Variants in NIBAN2 observed in about 807,000 individuals in gnomAD.
NIBAN2 encodes the protein protein Niban 2.
In NIBAN2, 36 loss-of-function variants were observed where a neutral mutation model predicts 81.8. That is an observed-to-expected ratio of 0.44 (90% CI 0.34 to 0.58). The LOEUF (loss-of-function observed/expected upper bound fraction) is 0.58. NIBAN2 is among the 20% of genes least tolerant of loss of function. The pLI is 0.02. For synonymous variants in NIBAN2, 445 were observed against 441.6 expected (o/e 1.01, Z -0.10); for missense variants, 897 against 1,014.1 (o/e 0.88, Z 1.57).
At chr9:127,542,085 A>G (rs2132207548) in intron 1 of NIBAN2, among the ~76,000 whole-genome samples, 1 of 152,236 alleles carries the variant, frequency 6.6e-6, no homozygotes, top group East Asian at 1.9e-4. Context: ...TCCCACACAC[A>G]GGGGCCACAG....
intron 1 of NIBAN2, among the ~76,000 whole-genome samples, chr9:127,535,978 G>A (rs1298118776): frequency 2.0e-5 from 3 of 152,106 alleles, no homozygotes; most frequent in African/African-American, 7.2e-5. Flanking sequence ...AGGGGTTAAG[G>A]ACCTTAAGGA....
chr9:127,550,555 C>A (rs1837557540), intron 1 of NIBAN2, among the ~76,000 whole-genome samples: 1 of 152,208 alleles, frequency 6.6e-6, no homozygotes, highest in Non-Finnish European at 1.5e-5. Flanking sequence ...AATATTTATC[C>A]CCTGACTATG....
In NIBAN2 at chr9:127,559,838, A is replaced by G. The variant is rs369404714; in HGVS notation, c.55+8982T>C. Among the ~76,000 whole-genome samples, 12 of 152,132 alleles carry G rather than the reference A, an allele frequency of 7.9e-5. No homozygotes were observed. The highest frequency in any genetic ancestry group is 2.6e-4 in the Admixed American group (4 of 15,276). The stretch of plus-strand genomic sequence containing the variant: ...GCAAGAGGAGGGCCTCCCTTGGCCA[A>G]TGTCCTATGTGAACCACATAGAACG... On this transcript the variant is annotated intron_variant, in intron 1 of 13. Coordinates refer to ENST00000373312, the MANE Select transcript of NIBAN2 (RefSeq NM_022833.4). The surrounding 1 kb of genome is among the most constrained non-coding windows in gnomAD (Gnocchi z 4.0).
intron 8 of NIBAN2, among the ~76,000 whole-genome samples, chr9:127,514,126 G>A (rs145014909): frequency 5.3e-5 from 8 of 151,998 alleles, no homozygotes; most frequent in East Asian, 3.9e-4. Context: ...AAAATTAGCC[G>A]GGCGTGGTGG....
chr9:127,516,415 C>A (rs930208519), intron 8 of NIBAN2, among the ~76,000 whole-genome samples: 1 of 151,728 alleles, frequency 6.6e-6, no homozygotes, highest in Non-Finnish European at 1.5e-5. Context: ...CATGGTGGCG[C>A]GCGTGTGCCT....
chr9:127,552,480 G>C (rs779144945), intron 1 of NIBAN2, among the ~76,000 whole-genome samples: 20 of 152,228 alleles, frequency 1.3e-4, no homozygotes, highest in Non-Finnish European at 2.5e-4. Context: ...GGGAGGTTGA[G>C]GTGGGAGGAT....
Position 127,507,225 on chromosome 9 carries a change from G to C in NIBAN2, c.1861C>G (p.Gln621Glu), listed in dbSNP as rs1388655929. The C allele has an allele frequency of 6.2e-7, 1 of 1,611,976 alleles. No individual in the cohort carries two copies. The highest frequency in any genetic ancestry group is 1.3e-5 in the African/African-American group (1 of 74,866). Residue 621 changes from glutamine to glutamate, a missense_variant, in exon 14 of 14, where the codon CAG (glutamine) becomes GAG (glutamate). By Grantham distance (29) the Gln-to-Glu change is conservative. This residue lies in a region of NIBAN2 where 619 missense variants were observed against 691.0 expected (regional missense o/e 0.90). Transcript: ENST00000373312. The surrounding 1 kb of genome is among the most constrained non-coding windows in gnomAD (Gnocchi z 6.8). ...TLSEKRRRAK[Q>E]VVSVVQDEEV... Reference sequence around the variant, plus strand: ...TCATCCTGGACCACAGAGACCACCTGCTTGGCGCGCCGTCGCTTTTCCGAG... The same window carrying C: ...TCATCCTGGACCACAGAGACCACCTCCTTGGCGCGCCGTCGCTTTTCCGAG...
In NIBAN2 at chr9:127,508,649, G is replaced by T; in HGVS notation, c.1318-111C>A. 1.1e-6 allele frequency: 1 copy of T among 927,500 alleles called. No individual in the cohort carries two copies. The highest frequency in any genetic ancestry group is 1.7e-6 in the Non-Finnish European group (1 of 576,646). The allele number at this position is 927,500 out of a possible 1,614,324, so 57.5% of individuals were successfully genotyped here. A position where few individuals can be genotyped will look rare whatever the true frequency, so the allele number is the denominator to read the frequency against. ...CAGCCCCCCACCCCGAGGCCTGCCA[G>T]GGAGGAATGGCAAGCGGTCTATGCC... On this transcript the variant is annotated intron_variant, in intron 10 of 13. Transcript: ENST00000373312. This position sits in a 1 kb window ranked among gnomAD's most constrained non-coding sequence, Gnocchi z 6.4.
chr9:127,534,656 C>T (rs148808078), intron 1 of NIBAN2, among the ~76,000 whole-genome samples: 278 of 152,334 alleles, frequency 1.8e-3, no homozygotes, highest in African/African-American at 6.3e-3. Context: ...CCTGTCCCTC[C>T]CTGTACTCCC....
In NIBAN2 at chr9:127,517,815, T is replaced by C; in HGVS notation, c.705+11A>G. The stretch of plus-strand genomic sequence containing the variant: ...CTTCTGAGGTTTCCTCACCAGCCCG[T>C]CTGGCCTCACCTGCACCTCGTTCCC... On this transcript the variant is annotated intron_variant, in intron 6 of 13. Transcript: ENST00000373312. The surrounding 1 kb of genome is among the most constrained non-coding windows in gnomAD (Gnocchi z 4.0). 1 of 1,606,862 alleles carries C rather than the reference T, an allele frequency of 6.2e-7. No individual in the cohort carries two copies. The highest frequency in any genetic ancestry group is 1.1e-5 in the South Asian group (1 of 90,544).
intron 3 of NIBAN2, among the ~76,000 whole-genome samples, chr9:127,526,756 G>A (rs774402472): frequency 6.6e-6 from 1 of 152,170 alleles, no homozygotes; most frequent in Non-Finnish European, 1.5e-5. Context: ...CTACCCACCT[G>A]TAGGGCAGGG....
chr9:127,523,982 C>G (rs534574379), intron 4 of NIBAN2, 136 bp from the exon 5 acceptor site: 2 of 927,582 alleles, frequency 2.2e-6, no homozygotes, highest in South Asian at 3.4e-5. Flanking sequence ...CCAAGGTGAC[C>G]AGCAAGCCGG....
intron 1 of NIBAN2, among the ~76,000 whole-genome samples, chr9:127,558,335 G>A (rs1014089466): frequency 6.6e-6 from 1 of 151,996 alleles, no homozygotes; most frequent in South Asian, 2.1e-4. Context: ...GCACGGGTGC[G>A]GGGGGTGGGA....
chr9:127,510,050 G>T, intron 9 of NIBAN2, 96 bp downstream of exon 9: 1 of 1,224,004 alleles, frequency 8.2e-7, no homozygotes. Context: ...CGGCCTTGGA[G>T]GGGAACGGCT....
intron 8 of NIBAN2, among the ~76,000 whole-genome samples, chr9:127,512,363 G>A (rs1002902619): frequency 1.3e-4 from 20 of 148,548 alleles, no homozygotes; most frequent in African/African-American, 5.0e-4. Flanking sequence ...TCGGCTCACT[G>A]CAGCCTCTGC....
chr9:127,568,891 G>A lies in NIBAN2; in HGVS notation c.-17C>T, dbSNP rs1274232568. On this transcript the variant is annotated 5_prime_UTR_variant, in exon 1 of 14. Coordinates refer to ENST00000373312, the MANE Select transcript of NIBAN2 (RefSeq NM_022833.4). The stretch of plus-strand genomic sequence containing the variant: ...GTCCCCCATGGCCAGGAGGTGTCGC[G>A]GCCCGATCCGGCCGACGCCGCCGCT... 76 of 1,281,538 alleles carry A rather than the reference G, an allele frequency of 5.9e-5. 1 individual carries two copies. In the East Asian group the frequency reaches 2.5e-3, roughly 43 times the overall value. The allele number at this position is 1,281,538 out of a possible 1,614,324, so 79.4% of individuals were successfully genotyped here.
At chr9:127,566,426 C>T (rs113372499) in intron 1 of NIBAN2, among the ~76,000 whole-genome samples, 1 of 152,154 alleles carries the variant, frequency 6.6e-6, no homozygotes, top group Non-Finnish European at 1.5e-5. Flanking sequence ...CCACCAGCCC[C>T]GTGGGGCTCC....
intron 1 of NIBAN2, among the ~76,000 whole-genome samples, chr9:127,544,705 C>T (rs1022021094): frequency 5.3e-5 from 8 of 152,096 alleles, no homozygotes; most frequent in South Asian, 2.1e-4. Flanking sequence ...GGTTTCACCA[C>T]GTTGGTCAGG....
intron 1 of NIBAN2, among the ~76,000 whole-genome samples, chr9:127,542,256 C>T (rs1030506774): frequency 2.0e-5 from 3 of 152,220 alleles, no homozygotes; most frequent in African/African-American, 7.2e-5. Context: ...CCGCCAAGCT[C>T]ACTCCTCAGC....
Sources: allele counts gnomAD v4.1 joint callset (sites outside exome capture counted in the v4.1 genomes callset), GRCh38; gene constraint gnomAD v4.1.1; regional missense constraint gnomAD v4.1.1; non-coding constraint Gnocchi (gnomAD v3.1); transcripts MANE v1.5; gene names NCBI Gene and HGNC (gene_info 2026-07-23, HGNC 2026-07-21).